Variants in CDH13 observed in about 807,000 individuals in gnomAD.
CDH13 encodes cadherin-13.
Under a neutral mutation model 63.8 loss-of-function variants are expected in CDH13, and 24 were observed. The observed-to-expected ratio is 0.38, with a 90% CI of 0.27 to 0.53. The LOEUF is 0.53. Ranked by LOEUF, CDH13 falls within the 20% of genes least tolerant of loss-of-function variation. The pLI is 0.85. For synonymous variants in CDH13, 503 were observed against 355.3 expected (o/e 1.42, Z -4.67); for missense variants, 1,049 against 903.1 (o/e 1.16, Z -2.07).
At chr16:83,415,275 G>C (rs1397238212) in intron 6 of CDH13, among the ~76,000 whole-genome samples, 1 of 152,150 alleles carries the variant, frequency 6.6e-6, no homozygotes, top group Non-Finnish European at 1.5e-5. Flanking sequence ...TAGGGAGATT[G>C]AATCGGTAAC....
chr16:82,650,218 G>A (rs965996796), intron 1 of CDH13, among the ~76,000 whole-genome samples: 2 of 152,146 alleles, frequency 1.3e-5, no homozygotes, highest in African/African-American at 4.8e-5. Flanking sequence ...TAATAAATGA[G>A]GTACGTGAGG....
intron 6 of CDH13, among the ~76,000 whole-genome samples, chr16:83,460,995 G>GACACACA (rs2073164508): frequency 6.8e-6 from 1 of 147,808 alleles, no homozygotes; most frequent in Non-Finnish European, 1.5e-5. Flanking sequence ...ACACACACAC[G>GACACACA]CACACACACA....
chr16:83,180,896 A>T, intron 4 of CDH13: 1 of 1,531,986 alleles, frequency 6.5e-7, no homozygotes, highest in Non-Finnish European at 8.7e-7. Flanking sequence ...TTAACAGCGA[A>T]CTTCTCTTGA....
intron 1 of CDH13, among the ~76,000 whole-genome samples, chr16:82,673,142 C>T (rs1334101269): frequency 6.6e-6 from 1 of 151,446 alleles, no homozygotes; most frequent in African/African-American, 2.4e-5. Context: ...GTGCCCAGCC[C>T]CAGGAAACAT....
At position 82,663,367 on chromosome 16, in the gene CDH13, G is replaced by T. The variant is rs532735352; in HGVS notation, c.45+36230G>T. Among the ~76,000 whole-genome samples the T allele has an allele frequency of 4.4e-3, 668 of 152,034 alleles. 4 individuals are homozygous for T. The highest frequency in any genetic ancestry group is 6.0e-3 in the Non-Finnish European group (405 of 67,988). ...AGGCCCGGCTAATTTTGTATTTTTA[G>T]TATAGATGGGTTTCTCCATGTTGTT... On this transcript the variant is annotated intron_variant, in intron 1 of 13. Transcript: ENST00000567109.
At chr16:83,432,834 T>C (rs765429528) in intron 6 of CDH13, among the ~76,000 whole-genome samples, 1 of 152,216 alleles carries the variant, frequency 6.6e-6, no homozygotes, top group Non-Finnish European at 1.5e-5. Context: ...TTTTCCTCGA[T>C]TTAAAAATCA....
chr16:83,043,506 T>A (rs1425505095), intron 3 of CDH13, among the ~76,000 whole-genome samples: 4 of 151,224 alleles, frequency 2.6e-5, no homozygotes, highest in Non-Finnish European at 1.5e-5. Flanking sequence ...TGTGTGTGTG[T>A]GTGTGTGTGT....
intron 6 of CDH13, among the ~76,000 whole-genome samples, chr16:83,454,971 A>C (rs1466387364): frequency 6.6e-6 from 1 of 152,094 alleles, no homozygotes; most frequent in African/African-American, 2.4e-5. Flanking sequence ...CAGCCTCCCA[A>C]AGTGCTGAGA....
chr16:83,473,274 C>T (rs1377583895), intron 6 of CDH13, among the ~76,000 whole-genome samples: 1 of 152,242 alleles, frequency 6.6e-6, no homozygotes, highest in Admixed American at 6.5e-5. Context: ...CAACAGCTTG[C>T]AACATCACCA....
chr16:83,059,556 C>T (rs1004747703), intron 3 of CDH13, among the ~76,000 whole-genome samples: 3 of 152,054 alleles, frequency 2.0e-5, no homozygotes, highest in African/African-American at 4.8e-5. Flanking sequence ...TTGAACTCTT[C>T]GGAGATTCCA....
intron 2 of CDH13, among the ~76,000 whole-genome samples, chr16:82,975,582 C>A (rs1250777363): frequency 2.0e-5 from 3 of 152,118 alleles, no homozygotes; most frequent in Non-Finnish European, 4.4e-5. Context: ...GAGTTGGCAC[C>A]CAACAAATAA....
At chr16:83,485,554 C>G (rs1014921520) in intron 6 of CDH13, among the ~76,000 whole-genome samples, 2 of 152,182 alleles carry the variant, frequency 1.3e-5, no homozygotes, top group African/African-American at 2.4e-5. Flanking sequence ...AGTGTTTGCT[C>G]TCATTCCCTT....
At chr16:83,663,091 G>A (rs9929976) in intron 8 of CDH13, among the ~76,000 whole-genome samples, 36,056 of 152,032 alleles carry the variant, frequency 0.24, 5,047 homozygotes, top group African/African-American at 0.37. Flanking sequence ...ACAAATGCTG[G>A]GAAACCTATA....
intron 5 of CDH13, among the ~76,000 whole-genome samples, chr16:83,252,628 G>A (rs1905717482): frequency 6.6e-6 from 1 of 152,234 alleles, no homozygotes; most frequent in Non-Finnish European, 1.5e-5. Flanking sequence ...CAGCCACAGT[G>A]GGAAGCTCAG....
At chr16:83,179,277 C>T (rs1013632991) in intron 4 of CDH13, among the ~76,000 whole-genome samples, 13 of 152,056 alleles carry the variant, frequency 8.5e-5, no homozygotes, top group Non-Finnish European at 2.9e-5. Context: ...GTGTCCCTAG[C>T]ACTACAAGCT....
At chr16:83,454,768 A>G (rs1002167537) in intron 6 of CDH13, among the ~76,000 whole-genome samples, 20 of 151,836 alleles carry the variant, frequency 1.3e-4, no homozygotes, top group African/African-American at 4.8e-4. Context: ...TTGCAGTGGC[A>G]TGATCTCAGC....
intron 7 of CDH13, among the ~76,000 whole-genome samples, chr16:83,537,972 A>G (rs985229952): frequency 6.6e-6 from 1 of 152,170 alleles, no homozygotes; most frequent in Non-Finnish European, 1.5e-5. Flanking sequence ...TTTCCCAGTT[A>G]CGGCCCAAAT....
In CDH13 at chr16:83,406,425, C is replaced by T. The variant is rs1448096718; in HGVS notation, c.781+61419C>T. Among the ~76,000 whole-genome samples the T allele has an allele frequency of 4.4e-5, 6 of 135,562 alleles. No homozygotes were observed. In the East Asian group the frequency reaches 8.8e-4, roughly 20 times the overall value. The allele number at this position is 135,562 out of a possible 152,430, so 88.9% of individuals were successfully genotyped here. On this transcript the variant is annotated intron_variant, in intron 6 of 13. Transcript: ENST00000567109. ...CCCCAGCTCTCTTTCTTTCCCCCCC[C>T]GCCTCTCTCTCTGTCTCTCTCCCCT...
intron 3 of CDH13, among the ~76,000 whole-genome samples, chr16:83,103,477 C>G (rs2034613199): frequency 6.6e-6 from 1 of 151,936 alleles, no homozygotes. Context: ...AACTCCTGAC[C>G]TCAAGTGATC....
Sources: gnomAD v4.1 joint callset for allele counts (sites outside exome capture counted in the v4.1 genomes callset) on GRCh38, gnomAD v4.1.1 for gene constraint, MANE v1.5 for transcripts, NCBI Gene and HGNC (gene_info 2026-07-23, HGNC 2026-07-21) for gene names.